FADS1: variants seen among roughly 807,000 people sequenced by gnomAD.
The protein encoded by FADS1 is fatty acid desaturase 1, also known as acyl-CoA (8-3)-desaturase.
In FADS1, 17 loss-of-function variants were observed where a neutral mutation model predicts 61.6. The observed-to-expected ratio is 0.28, with a 90% confidence interval of 0.19 to 0.41. FADS1 has a LOEUF of 0.41. Among genes scored for constraint, FADS1 ranks in the 10% least tolerant of loss-of-function variants. The probability of loss-of-function intolerance (pLI) is 1.00; values close to 1 mark genes in which losing one functional copy is unlikely to be tolerated. For missense variants in FADS1, 387 were observed against 650.9 expected, an observed-to-expected ratio of 0.59 and a Z score of 4.41; for synonymous variants, 238 against 258.7, an observed-to-expected ratio of 0.92 and a Z score of 0.77.
At position 61,811,866 on chromosome 11, in the gene FADS1, G is replaced by A. The variant is rs367653733; in HGVS notation, c.684+605C>T. ...GCCTCCCAAGGTACTGGTATTACAGGCGTGAGCCACTGTGCCTGGCCTTTT... is the reference window on the plus strand; with the variant it reads ...GCCTCCCAAGGTACTGGTATTACAGACGTGAGCCACTGTGCCTGGCCTTTT... On this transcript the variant is annotated intron_variant, in intron 3 of 11. Coordinates refer to ENST00000350997, the MANE Select transcript of FADS1 (RefSeq NM_013402.7). 9.2e-4 allele frequency: 412 copies of A among 445,476 alleles called. 2 individuals carry two copies. Among genetic ancestry groups the A allele is most frequent in the Non-Finnish European group, 1.6e-3 (353 of 222,208 alleles). The allele number at this position is 445,476 out of a possible 1,614,324, so 27.6% of individuals were successfully genotyped here.
rs763685768 is a variant in FADS1, at chr11:61,812,598, T to C, written c.557A>G (p.His186Arg). The part of the protein sequence containing the change: ...VERMGLMKAN[H>R]VFFLLYLLHI... ...CAGCAGGTACAGCAGGAAGAAGACA[T>C]GGTTGGCCTTCATGAGCCCCATCCG... The change falls in exon 3 of 12, where the codon CAT becomes CGT. Residue 186 changes from histidine to arginine, a missense_variant. By Grantham distance (29) the His-to-Arg change is conservative. Around this residue, in one of 2 missense-constraint regions of FADS1, gnomAD observed 257 missense variants for 533.3 expected, o/e 0.48. Transcript: ENST00000350997. 1.9e-6 allele frequency: 3 copies of C among 1,614,112 alleles called. No individual in the cohort carries two copies. The highest frequency in any genetic ancestry group is 1.7e-5 in the Admixed American group (1 of 60,020).
chr11:61,810,617 A>G (rs908704789), intron 5 of FADS1, 134 bp downstream of exon 5: 20 of 1,177,450 alleles, frequency 1.7e-5, no homozygotes, highest in Non-Finnish European at 2.3e-5. Flanking sequence ...CAGAACTTCC[A>G]AAATGGCAAA....
chr11:61,802,028 G>T lies in FADS1; in HGVS notation c.*383C>A. ...CCTGGGTAGCTGGGATTACAGGCGC[G>T]TGCCACCACGCCCGGCATGAGTGGA... On this transcript the variant is annotated 3_prime_UTR_variant, in exon 12 of 12. Coordinates refer to ENST00000350997, the MANE Select transcript of FADS1 (RefSeq NM_013402.7). This position sits in a 1 kb window ranked among gnomAD's most constrained non-coding sequence, Gnocchi z 4.2. 2 of 225,728 alleles carry T rather than the reference G, an allele frequency of 8.9e-6. No individual in the cohort carries two copies. Among genetic ancestry groups the T allele is most frequent in the Non-Finnish European group, 1.8e-5 (2 of 111,984 alleles). The allele number at this position is 225,728 out of a possible 1,614,324, so 14.0% of individuals were successfully genotyped here.
Position 61,816,861 on chromosome 11 carries a change from C to T in FADS1, c.69G>A (p.Leu23=). The T allele has an allele frequency of 6.8e-7, 1 of 1,480,290 alleles. No homozygotes were observed. Among genetic ancestry groups the T allele is most frequent in the Non-Finnish European group, 8.9e-7 (1 of 1,126,188 alleles). 91.7% of individuals were successfully genotyped at this position (1,480,290 alleles called of 1,614,324 possible). A position where few individuals can be genotyped will look rare whatever the true frequency, so the allele number is the denominator to read the frequency against. ...CGAENPARRR[L]ALGARQQIHS... ...GGATTTGCTGGCGCGCGCCCAGAGC[C>T]AGCCGCCTGCGCGCCGGGTTTTCAG... The change falls in exon 1 of 12, where the codon CTG becomes CTA. Residue 23 remains leucine, a synonymous_variant. Transcript: ENST00000350997. The surrounding 1 kb of genome is among the most constrained non-coding windows in gnomAD (Gnocchi z 7.0).
rs35779607 is a variant in FADS1 at position 61,813,966 on chromosome 11, C to CAA, written c.376-615_376-614dup. ...CCTGGGCGACAGGGAGACTCCGTCT[C>CAA]AAAAAAAAAAAAAAAAAAAAAGGCT... is the stretch of plus-strand genomic sequence containing the variant. On this transcript the variant is annotated intron_variant, in intron 1 of 11. Coordinates refer to ENST00000350997, the MANE Select transcript of FADS1 (RefSeq NM_013402.7). 3.5e-3 allele frequency among the ~76,000 whole-genome samples: 280 copies of CAA among 80,626 alleles called. 1 individual carries two copies. Among genetic ancestry groups the CAA allele is most frequent in the African/African-American group, 0.014 (190 of 13,364 alleles). The allele number at this position is 80,626 out of a possible 152,430, so 52.9% of individuals were successfully genotyped here. A position where few individuals can be genotyped will look rare whatever the true frequency, so the allele number is the denominator to read the frequency against.
In FADS1 at chr11:61,802,827, C is replaced by A. The variant is rs769854507; in HGVS notation, c.1428G>T (p.Leu476=). The A allele has an allele frequency of 3.1e-6, 5 of 1,614,238 alleles. No homozygotes were observed. In the Admixed American group the frequency reaches 6.7e-5, roughly 22 times the overall value. ...KHGIEYQSKP[L]LSAFADIIHS... Reference sequence around the variant, plus strand: ...GGATGATGTCGGCGAAGGCTGACAGCAGGGGCTTGGACTGGTACTCTATGC... The same window carrying A: ...GGATGATGTCGGCGAAGGCTGACAGAAGGGGCTTGGACTGGTACTCTATGC... The change falls in exon 11 of 12, where the codon CTG becomes CTT. Residue 476 remains leucine, a synonymous_variant. Transcript: ENST00000350997. The surrounding 1 kb of genome is among the most constrained non-coding windows in gnomAD (Gnocchi z 4.2).
intron 3 of FADS1, among the ~76,000 whole-genome samples, chr11:61,811,622 C>G (rs1419495579): frequency 7.3e-6 from 1 of 136,288 alleles, no homozygotes; most frequent in African/African-American, 2.8e-5. Context: ...GAGAGTGTCG[C>G]TCTGTTGCCC....
chr11:61,806,803 G>A (rs777257090), intron 5 of FADS1, 79 bp from the exon 6 acceptor site: 13 of 1,325,884 alleles, frequency 9.8e-6, no homozygotes, highest in Middle Eastern at 1.8e-4. Context: ...CTTGCTTGGA[G>A]GTTTAGGCCT....
Position 61,801,849 on chromosome 11 carries a change from C to T in FADS1, c.*562G>A, listed in dbSNP as rs927222972. The T allele has an allele frequency of 6.5e-6, 1 of 152,996 alleles. No homozygotes were observed. The highest frequency in any genetic ancestry group is 1.5e-5 in the Non-Finnish European group (1 of 68,794). The allele number at this position is 152,996 out of a possible 1,614,324, so 9.5% of individuals were successfully genotyped here. The stretch of plus-strand genomic sequence containing the variant: ...GATGGAGAAGCCACTGAGAAATGGA[C>T]CAGTGAGCTGAGCTCACCTTTTATA... On this transcript the variant is annotated 3_prime_UTR_variant, in exon 12 of 12. Transcript: ENST00000350997.
rs923193390 is a variant in FADS1, at chr11:61,806,546, G to T, written c.976+118C>A. The T allele has an allele frequency of 4.5e-6, 4 of 887,814 alleles. No individual in the cohort carries two copies. The East Asian group carries it at 9.8e-5, about 22-fold the overall frequency. 55.0% of individuals were successfully genotyped at this position (887,814 alleles called of 1,614,324 possible). ...AGGGAGTAACTGGGGGTGGGAGTGG[G>T]GTACTTCCTCTAGCCCCTTTCCTTA... is the stretch of plus-strand genomic sequence containing the variant. On this transcript the variant is annotated intron_variant, in intron 6 of 11. Transcript: ENST00000350997.
chr11:61,803,124 G>T lies in FADS1; in HGVS notation c.1249-13C>A. On this transcript the variant is annotated splice_polypyrimidine_tract_variant and intron_variant, in intron 9 of 11. Transcript: ENST00000350997. This position sits in a 1 kb window ranked among gnomAD's most constrained non-coding sequence, Gnocchi z 4.3. ...ATGTGGCCTGGAGCTGGCGGAAAAG[G>T]TCAGGGGAGAGCATGTTGAATATCA... is the stretch of plus-strand genomic sequence containing the variant. 1.2e-6 allele frequency: 2 copies of T among 1,613,810 alleles called. No homozygotes were observed. The highest frequency in any genetic ancestry group is 2.2e-5 in the East Asian group (1 of 44,882).
chr11:61,809,134 A>T (rs1287549056), intron 5 of FADS1, among the ~76,000 whole-genome samples: 3 of 152,128 alleles, frequency 2.0e-5, no homozygotes, highest in Non-Finnish European at 2.9e-5. Flanking sequence ...GAGCCTCTGT[A>T]CTTGACTGTT....
rs1374134976 is a variant in FADS1, at chr11:61,816,721, T to C, written c.209A>G (p.Gln70Arg). The C allele has an allele frequency of 2.6e-6, 4 of 1,566,866 alleles. No homozygotes were observed. The highest frequency in any genetic ancestry group is 3.5e-6 in the Non-Finnish European group (4 of 1,156,706). The change falls in exon 1 of 12, where the codon CAG becomes CGG. Residue 70 changes from glutamine (Q) to arginine (R), a missense_variant. This residue lies in a region of FADS1 where 130 missense variants were observed against 117.7 expected (regional missense o/e 1.10). Coordinates refer to ENST00000350997, the MANE Select transcript of FADS1 (RefSeq NM_013402.7). This position sits in a 1 kb window ranked among gnomAD's most constrained non-coding sequence, Gnocchi z 7.0. ...PDPVAAETAAQGPTPRYFTWD... is the reference protein window; with the variant it reads ...PDPVAAETAARGPTPRYFTWD... The stretch of plus-strand genomic sequence containing the variant: ...GGTGAAGTAGCGCGGGGTAGGTCCC[T>C]GAGCCGCGGTCTCGGCGGCCACCGG...
At position 61,815,055 on chromosome 11, in the gene FADS1, C is replaced by A. The variant is rs75810419; in HGVS notation, c.375+1500G>T. Reference sequence around the variant, plus strand: ...ATTTCCCTAAGCACTCTGGCCACCCCCTGCCCCAAGGCAGCTACTTTGGGT... The same window carrying A: ...ATTTCCCTAAGCACTCTGGCCACCCACTGCCCCAAGGCAGCTACTTTGGGT... On this transcript the variant is annotated intron_variant, in intron 1 of 11. Coordinates refer to ENST00000350997, the MANE Select transcript of FADS1 (RefSeq NM_013402.7). The surrounding 1 kb of genome is among the most constrained non-coding windows in gnomAD (Gnocchi z 6.4). 3,936 of 155,746 alleles carry A rather than the reference C, an allele frequency of 0.025. 102 individuals carry two copies. Among genetic ancestry groups the A allele is most frequent in the Middle Eastern group, 0.044 (85 of 1,912 alleles). The allele number at this position is 155,746 out of a possible 1,614,324, so 9.6% of individuals were successfully genotyped here.
rs1591157958 is a variant in FADS1 at position 61,816,874 on chromosome 11, G to T, written c.56C>A (p.Ala19Glu). The change falls in exon 1 of 12, where the codon GCG (alanine) becomes GAG (glutamate). Residue 19 changes from alanine to glutamate, a missense_variant. Ala to Glu is a moderately radical substitution (Grantham distance 107, BLOSUM62 -1). Coordinates refer to ENST00000350997, the MANE Select transcript of FADS1 (RefSeq NM_013402.7). This position sits in a 1 kb window ranked among gnomAD's most constrained non-coding sequence, Gnocchi z 7.0. ...AGLPCGAENP[A>E]RRRLALGARQ... Reference sequence around the variant, plus strand: ...CGCGCCCAGAGCCAGCCGCCTGCGCGCCGGGTTTTCAGCACCGCAGGGCAG... The same window carrying T: ...CGCGCCCAGAGCCAGCCGCCTGCGCTCCGGGTTTTCAGCACCGCAGGGCAG... 3 of 1,477,540 alleles carry T rather than the reference G, an allele frequency of 2.0e-6. No individual in the cohort carries two copies. Among genetic ancestry groups the T allele is most frequent in the Non-Finnish European group, 2.7e-6 (3 of 1,125,000 alleles). The allele number at this position is 1,477,540 out of a possible 1,614,324, so 91.5% of individuals were successfully genotyped here. A position where few individuals can be genotyped will look rare whatever the true frequency, so the allele number is the denominator to read the frequency against.
rs1333641416 is a variant in FADS1 at position 61,802,382 on chromosome 11, T to C, written c.*29A>G. On this transcript the variant is annotated 3_prime_UTR_variant, in exon 12 of 12. Coordinates refer to ENST00000350997, the MANE Select transcript of FADS1 (RefSeq NM_013402.7). The surrounding 1 kb of genome is among the most constrained non-coding windows in gnomAD (Gnocchi z 4.2). ...CCTTGGCTCCAGAGTCTTCCTCCTCTTCTTCCAGACTGGGCAGGGTGGCTG... is the reference window on the plus strand; with the variant it reads ...CCTTGGCTCCAGAGTCTTCCTCCTCCTCTTCCAGACTGGGCAGGGTGGCTG... 2 of 1,555,974 alleles carry C rather than the reference T, an allele frequency of 1.3e-6. No individual in the cohort carries two copies. The highest frequency in any genetic ancestry group is 1.7e-6 in the Non-Finnish European group (2 of 1,146,910).
intron 1 of FADS1, chr11:61,814,604 AAAG>A (rs2066959411): frequency 6.6e-6 from 1 of 152,214 alleles, no homozygotes; most frequent in South Asian, 2.1e-4. Context: ...GTGACGAGCA[AAAG>A]AACAATGCTT....
chr11:61,814,619 C>T (rs953623825), intron 1 of FADS1: 9 of 152,204 alleles, frequency 5.9e-5, no homozygotes, highest in African/African-American at 2.2e-4. Flanking sequence ...ACAATGCTTC[C>T]ACAGCCTGTA....
rs1200781174 is a variant in FADS1 at position 61,802,474 on chromosome 11, A to G, written c.1455-12T>C. 2 of 1,560,170 alleles carry G rather than the reference A, an allele frequency of 1.3e-6. No individual in the cohort carries two copies. Among genetic ancestry groups the G allele is most frequent in the Non-Finnish European group, 1.7e-6 (2 of 1,151,132 alleles). On this transcript the variant is annotated splice_polypyrimidine_tract_variant and intron_variant, in intron 11 of 11. Coordinates refer to ENST00000350997, the MANE Select transcript of FADS1 (RefSeq NM_013402.7). This position sits in a 1 kb window ranked among gnomAD's most constrained non-coding sequence, Gnocchi z 4.2. Reference sequence around the variant, plus strand: ...ACTCCTTTAGTGAGCTGCAGGGACAAAATGGGGGCAGACAGTGAGGGAGAC... The same window carrying G: ...ACTCCTTTAGTGAGCTGCAGGGACAGAATGGGGGCAGACAGTGAGGGAGAC...
Sources: gnomAD v4.1 joint callset for allele counts (sites outside exome capture counted in the v4.1 genomes callset) on GRCh38, gnomAD v4.1.1 for gene constraint, gnomAD v4.1.1 regional missense constraint, Gnocchi (gnomAD v3.1) non-coding constraint, MANE v1.5 for transcripts, NCBI Gene and HGNC (gene_info 2026-07-23, HGNC 2026-07-21) for gene names.